The following MAP3K15 variants were observed in gnomAD, a reference collection of about 807,000 sequenced individuals.
MAP3K15 encodes the protein mitogen-activated protein kinase kinase kinase 15.
MAP3K15 carries 124 observed loss-of-function variants against 99.5 expected under a neutral mutation model. The observed-to-expected ratio is 1.25, with a 90% CI of 1.08 to 1.45. The LOEUF (loss-of-function observed/expected upper bound fraction) is 1.45. Among genes scored for constraint, MAP3K15 ranks in the 40% most tolerant of loss-of-function variants. The pLI is 0.00. For synonymous variants in MAP3K15, 494 were observed against 439.6 expected (o/e 1.12, Z -1.55); for missense variants, 1,242 against 1,079.7 (o/e 1.15, Z -2.11).
intron 3 of MAP3K15, among the ~76,000 whole-genome samples, chrX:19,475,412 G>C (rs948843281): frequency 3.6e-5 from 4 of 111,061 alleles, no homozygotes; most frequent in Non-Finnish European, 5.7e-5. Flanking sequence ...CGGTCGGGTG[G>C]CCCAGGGGTT....
chrX:19,361,082 G>A, intron 28 of MAP3K15: 3 of 421,152 alleles, frequency 7.1e-6, no homozygotes, highest in Non-Finnish European at 1.2e-5. Context: ...CCAGCGTGCA[G>A]GCACGCTTGC....
At chrX:19,401,620 G>T in intron 13 of MAP3K15, among the ~76,000 whole-genome samples, 1 of 111,759 alleles carries the variant, frequency 8.9e-6, no homozygotes, top group Non-Finnish European at 1.9e-5. Flanking sequence ...ACAGGGTGTT[G>T]TATAAGGGGA....
chrX:19,417,186 G>A (rs1250040273), intron 9 of MAP3K15, among the ~76,000 whole-genome samples: 1 of 112,224 alleles, frequency 8.9e-6, no homozygotes, highest in African/African-American at 3.2e-5. Context: ...GGGGAGTGTT[G>A]GAAAGTGGGT....
intron 6 of MAP3K15, among the ~76,000 whole-genome samples, chrX:19,437,260 A>C (rs1442777694): frequency 9.0e-5 from 10 of 111,629 alleles, no homozygotes; most frequent in South Asian, 3.8e-4. Flanking sequence ...CTCAACACAG[A>C]AGTCATAGTG....
chrX:19,431,384 C>T (rs759949220), intron 7 of MAP3K15, 54 bp downstream of exon 7: 90 of 1,113,254 alleles, frequency 8.1e-5, no homozygotes, highest in Non-Finnish European at 1.0e-4. Flanking sequence ...TTAGCCTATG[C>T]GATTCTGTTC....
chrX:19,392,974 G>A (rs1430509226), intron 16 of MAP3K15, among the ~76,000 whole-genome samples: 2 of 110,685 alleles, frequency 1.8e-5, no homozygotes, highest in Non-Finnish European at 3.8e-5. Context: ...ACTGGAGGAA[G>A]TTGGGTCTCT....
intron 1 of MAP3K15, among the ~76,000 whole-genome samples, chrX:19,502,935 T>G (rs903169047): frequency 8.9e-6 from 1 of 111,888 alleles, no homozygotes; most frequent in African/African-American, 3.2e-5. Flanking sequence ...CAGTAGCCTC[T>G]AGGCAGATAC....
At chrX:19,386,054 G>A (rs189815075) in intron 18 of MAP3K15, among the ~76,000 whole-genome samples, 9 of 112,158 alleles carry the variant, frequency 8.0e-5, no homozygotes, top group Non-Finnish European at 1.7e-4. Flanking sequence ...TGTTGGGTGT[G>A]TACATCAGCT....
rs144944973 is a variant in MAP3K15, at chrX:19,361,739, G to A, written c.3680-146C>T. 1.3e-3 allele frequency: 502 copies of A among 396,493 alleles called. 1 individual carries two copies. The highest frequency in any genetic ancestry group is 9.8e-3 in the African/African-American group (390 of 39,673). 32.7% of individuals were successfully genotyped at this position (396,493 alleles called of 1,213,427 possible). A position where few individuals can be genotyped will look rare whatever the true frequency, so the allele number is the denominator to read the frequency against. On this transcript the variant is annotated intron_variant, in intron 26 of 28. Transcript: ENST00000338883. ...CTGTATCACTGAACCACGCTAATAC[G>A]TATTACACAATTCATAATTCTGAGA...
chrX:19,502,749 A>G (rs768757649), intron 1 of MAP3K15, among the ~76,000 whole-genome samples: 62 of 111,850 alleles, frequency 5.5e-4, no homozygotes, highest in African/African-American at 2.0e-3. Context: ...TGAGCCCGGG[A>G]AAGTGGAGGT....
Position 19,370,989 on chromosome X carries a change from C to T in MAP3K15, c.3370G>A (p.Val1124Met). The stretch of plus-strand genomic sequence containing the variant: ...ATGAGAATGGTGACCGCGGCCTGCA[C>T]CGCTCGGCGGATGATGTTGTCCATC... ...FAMDNIIRRA[V>M]QAAVTILIPE... The change falls in exon 24 of 29, where the codon GTG becomes ATG. Residue 1124 changes from valine (V) to methionine (M), a missense_variant. Val to Met is a conservative substitution (Grantham distance 21). Coordinates refer to ENST00000338883, the MANE Select transcript of MAP3K15 (RefSeq NM_001001671.4). The T allele has an allele frequency of 8.5e-7, 1 of 1,178,020 alleles. No homozygotes were observed. Among genetic ancestry groups the T allele is most frequent in the Non-Finnish European group, 1.1e-6 (1 of 884,351 alleles).
At chrX:19,413,895 G>A (rs1451019971) in intron 10 of MAP3K15, among the ~76,000 whole-genome samples, 2 of 108,841 alleles carry the variant, frequency 1.8e-5, no homozygotes, top group African/African-American at 3.3e-5. Flanking sequence ...GAAGAAAATC[G>A]GGAGAGAAGG....
At chrX:19,417,797 G>A (rs5909287) in intron 9 of MAP3K15, among the ~76,000 whole-genome samples, 5,079 of 111,945 alleles carry the variant, frequency 0.045, 134 homozygotes, top group Middle Eastern at 0.079. Flanking sequence ...CCCCCCAGTA[G>A]GGGCAGACTG....
At chrX:19,489,343 G>A (rs2064350964) in intron 1 of MAP3K15, among the ~76,000 whole-genome samples, 1 of 111,354 alleles carries the variant, frequency 9.0e-6, no homozygotes, top group South Asian at 3.7e-4. Context: ...AGGGTTACCT[G>A]CACTCAGGGT....
At chrX:19,477,491 T>C (rs1393105511) in intron 3 of MAP3K15, among the ~76,000 whole-genome samples, 17 of 110,144 alleles carry the variant, frequency 1.5e-4, no homozygotes, top group Non-Finnish European at 2.8e-4. Context: ...AGGCAGATCA[T>C]CTGAGCTCAG....
intron 1 of MAP3K15, among the ~76,000 whole-genome samples, chrX:19,489,962 G>A (rs1335885952): frequency 9.0e-6 from 1 of 110,812 alleles, no homozygotes; most frequent in Non-Finnish European, 1.9e-5. Context: ...CTTGTACCTG[G>A]GAGGCAGAGG....
intron 18 of MAP3K15, among the ~76,000 whole-genome samples, chrX:19,388,139 G>A (rs372807662): frequency 1.3e-3 from 148 of 111,956 alleles, no homozygotes; most frequent in Middle Eastern, 4.6e-3. Context: ...GGACCAGAGC[G>A]TTGATCAGTA....
intron 1 of MAP3K15, among the ~76,000 whole-genome samples, chrX:19,502,034 C>A (rs1402072345): frequency 8.9e-6 from 1 of 112,419 alleles, no homozygotes; most frequent in Non-Finnish European, 1.9e-5. Context: ...CCACTGCACT[C>A]TAGCCTGGGC....
At chrX:19,436,954 A>C in intron 6 of MAP3K15, among the ~76,000 whole-genome samples, 1 of 111,926 alleles carries the variant, frequency 8.9e-6, no homozygotes, top group Non-Finnish European at 1.9e-5. Flanking sequence ...CTGGGATTAC[A>C]AGTGTGCACC....
Sources: allele counts gnomAD v4.1 joint callset (sites outside exome capture counted in the v4.1 genomes callset), GRCh38; gene constraint gnomAD v4.1.1; transcripts MANE v1.5; gene names NCBI Gene and HGNC (gene_info 2026-07-23, HGNC 2026-07-21).